Variants in ANO6 observed in about 807,000 individuals in gnomAD.
ANO6 encodes the protein anoctamin 6, also known as anoctamin-6.
A neutral mutation model predicts 117.5 loss-of-function variants in ANO6; 106 were observed. That is an observed-to-expected ratio of 0.90 (90% CI 0.77 to 1.06). The LOEUF is 1.06. ANO6 is among the 50% of genes least tolerant of loss of function. The probability of loss-of-function intolerance (pLI) is 0.00; values close to 1 mark genes in which losing one functional copy is unlikely to be tolerated. For missense variants in ANO6, 955 were observed against 1,121.1 expected, an observed-to-expected ratio of 0.85 and a Z score of 2.12; for synonymous variants, 367 against 385.1, an observed-to-expected ratio of 0.95 and a Z score of 0.55.
chr12:45,398,676 G>C (rs769529674), intron 12 of ANO6, among the ~76,000 whole-genome samples: 1 of 151,998 alleles, frequency 6.6e-6, no homozygotes, highest in Non-Finnish European at 1.5e-5. Context: ...TCAAACAGTG[G>C]AATGTTGTGC....
chr12:45,362,265 TA>T (rs1160806495), intron 8 of ANO6, among the ~76,000 whole-genome samples: 1 of 152,118 alleles, frequency 6.6e-6, no homozygotes, highest in Admixed American at 6.5e-5. Context: ...CTAAGTTGTC[TA>T]ATTAGTTGGC....
At chr12:45,216,470 T>A in intron 1 of ANO6, 79 bp downstream of exon 1, 1 of 1,498,356 alleles carries the variant, frequency 6.7e-7, no homozygotes, top group Non-Finnish European at 9.1e-7. Context: ...GCGGGGGCGC[T>A]GTGCTCTCCG....
intron 10 of ANO6, among the ~76,000 whole-genome samples, chr12:45,385,766 C>T (rs1022036382): frequency 1.3e-5 from 2 of 152,216 alleles, no homozygotes; most frequent in Non-Finnish European, 2.9e-5. Context: ...AGCCATCACC[C>T]TCTATATAAA....
At position 45,430,895 on chromosome 12, in the gene ANO6, C is replaced by T; in HGVS notation, c.*1584C>T. On this transcript the variant is annotated 3_prime_UTR_variant, in exon 20 of 20. Transcript: ENST00000320560. Reference sequence around the variant, plus strand: ...GGAGGTGATTTGCATCATGGTCATGCTGCATGGGCTTCACTGGGATGCTGT... The same window carrying T: ...GGAGGTGATTTGCATCATGGTCATGTTGCATGGGCTTCACTGGGATGCTGT... The T allele has an allele frequency of 1.0e-6, 1 of 985,342 alleles. No homozygotes were observed. Among genetic ancestry groups the T allele is most frequent in the Non-Finnish European group, 1.2e-6 (1 of 829,896 alleles). 61.0% of individuals were successfully genotyped at this position (985,342 alleles called of 1,614,324 possible). A position where few individuals can be genotyped will look rare whatever the true frequency, so the allele number is the denominator to read the frequency against.
chr12:45,378,459 T>A (rs1019407096), intron 10 of ANO6, among the ~76,000 whole-genome samples: 1 of 152,102 alleles, frequency 6.6e-6, no homozygotes, highest in Non-Finnish European at 1.5e-5. Context: ...CCCGGTTTGG[T>A]CTGTGGGGCT....
intron 1 of ANO6, among the ~76,000 whole-genome samples, chr12:45,259,895 C>G (rs534467007): frequency 1.3e-5 from 2 of 152,372 alleles, no homozygotes; most frequent in African/African-American, 4.8e-5. Flanking sequence ...TGCAACAGCA[C>G]TAGCCTCCCA....
chr12:45,318,650 A>G (rs1314895380), intron 2 of ANO6, among the ~76,000 whole-genome samples: 13 of 152,084 alleles, frequency 8.5e-5, no homozygotes, highest in Admixed American at 8.5e-4. Context: ...GTTTTTTCCA[A>G]TTCTGTGAAG....
chr12:45,236,562 C>A (rs1028340333), intron 1 of ANO6, among the ~76,000 whole-genome samples: 17 of 152,154 alleles, frequency 1.1e-4, no homozygotes, highest in African/African-American at 4.1e-4. Context: ...ATGAGCTCAT[C>A]CTTTTTTATG....
At chr12:45,379,373 A>G (rs962625910) in intron 10 of ANO6, among the ~76,000 whole-genome samples, 14 of 152,358 alleles carry the variant, frequency 9.2e-5, no homozygotes, top group Admixed American at 3.3e-4. Context: ...TAAGGTGGCC[A>G]AACATCCCAG....
At position 45,295,646 on chromosome 12, in the gene ANO6, C is replaced by G. The variant is rs115011630; in HGVS notation, c.71-6368C>G. ...GCCCAATTTCGGCTCACTGCAACCT[C>G]TGCTTCCTGGGTCAAGCAATTCTCC... On this transcript the variant is annotated intron_variant, in intron 1 of 19. Coordinates refer to ENST00000320560, the MANE Select transcript of ANO6 (RefSeq NM_001025356.3). 3.4e-3 allele frequency among the ~76,000 whole-genome samples: 521 copies of G among 152,166 alleles called. 2 individuals carry two copies. Among genetic ancestry groups the G allele is most frequent in the African/African-American group, 0.012 (482 of 41,518 alleles).
Position 45,351,622 on chromosome 12 carries a change from C to T in ANO6, c.863+848C>T, listed in dbSNP as rs577448534. On this transcript the variant is annotated intron_variant, in intron 7 of 19. Coordinates refer to ENST00000320560, the MANE Select transcript of ANO6 (RefSeq NM_001025356.3). ...GAGGAGGTGACTTTTAAGCTGAGAT[C>T]GGATAGTGAAGAGGAGCCAGTGCTT... 2.0e-5 allele frequency among the ~76,000 whole-genome samples: 3 copies of T among 152,154 alleles called. No homozygotes were observed. In the South Asian group the frequency reaches 6.2e-4, roughly 32 times the overall value.
At chr12:45,264,630 A>G (rs887161894) in intron 1 of ANO6, among the ~76,000 whole-genome samples, 1 of 152,204 alleles carries the variant, frequency 6.6e-6, no homozygotes, top group African/African-American at 2.4e-5. Flanking sequence ...CATTAATTTT[A>G]CCAATGGTTA....
intron 7 of ANO6, among the ~76,000 whole-genome samples, chr12:45,354,257 A>T (rs1162311245): frequency 6.6e-6 from 1 of 152,194 alleles, no homozygotes; most frequent in Non-Finnish European, 1.5e-5. Flanking sequence ...AAAGAAAATC[A>T]TACAAAGGAT....
intron 1 of ANO6, among the ~76,000 whole-genome samples, chr12:45,219,145 G>C (rs1470123811): frequency 6.6e-6 from 1 of 151,982 alleles, no homozygotes; most frequent in Non-Finnish European, 1.5e-5. Flanking sequence ...ATACCATTGG[G>C]CGTTATAATG....
At chr12:45,295,724 C>A (rs1002501807) in intron 1 of ANO6, among the ~76,000 whole-genome samples, 1 of 151,996 alleles carries the variant, frequency 6.6e-6, no homozygotes. Context: ...CTATGGCTGG[C>A]TAATTTTTTA....
At chr12:45,418,161 A>C (rs1943262007) in intron 17 of ANO6, among the ~76,000 whole-genome samples, 1 of 152,154 alleles carries the variant, frequency 6.6e-6, no homozygotes, top group Non-Finnish European at 1.5e-5. Context: ...CCCCAATTGG[A>C]GGCACAGGAA....
chr12:45,336,475 A>G (rs898297972), intron 3 of ANO6, among the ~76,000 whole-genome samples: 1 of 151,794 alleles, frequency 6.6e-6, no homozygotes, highest in African/African-American at 2.4e-5. Context: ...TCAACAATGT[A>G]CCACATATAC....
intron 1 of ANO6, among the ~76,000 whole-genome samples, chr12:45,229,832 C>T (rs1947547625): frequency 6.6e-6 from 1 of 152,104 alleles, no homozygotes; most frequent in African/African-American, 2.4e-5. Context: ...AGACATTCAT[C>T]AGCCATGTGA....
intron 1 of ANO6, among the ~76,000 whole-genome samples, chr12:45,293,140 T>C (rs1439940600): frequency 1.3e-5 from 2 of 152,256 alleles, no homozygotes; most frequent in Non-Finnish European, 2.9e-5. Context: ...TCTCTTATTA[T>C]CTAAGCAATT....
Sources: allele counts gnomAD v4.1 joint callset (sites outside exome capture counted in the v4.1 genomes callset), GRCh38; gene constraint gnomAD v4.1.1; transcripts MANE v1.5; gene names NCBI Gene and HGNC (gene_info 2026-07-23, HGNC 2026-07-21).